Variants in RIMS1 observed in about 807,000 individuals in gnomAD.
RIMS1 encodes regulating synaptic membrane exocytosis 1, also known as regulating synaptic membrane exocytosis protein 1.
RIMS1 carries 83 observed loss-of-function variants against 214.1 expected under a neutral mutation model. The ratio of observed to expected loss-of-function variants is 0.39; its 90% CI spans 0.32 to 0.47. The LOEUF is 0.47. RIMS1 is among the 20% of genes least tolerant of loss of function. RIMS1 has a pLI of 0.99. For missense variants in RIMS1, 2,050 were observed against 2,161.8 expected (o/e 0.95, Z 1.03); for synonymous variants, 793 against 786.8 (o/e 1.01, Z -0.13).
chr6:72,089,148 C>T (rs781009593), intron 2 of RIMS1, among the ~76,000 whole-genome samples: 5 of 152,032 alleles, frequency 3.3e-5, no homozygotes, highest in Admixed American at 2.0e-4. Context: ...GGAAGTCTTA[C>T]GAAAAAGCTA....
intron 6 of RIMS1, among the ~76,000 whole-genome samples, chr6:72,203,150 G>T (rs1323794845): frequency 1.3e-5 from 2 of 151,912 alleles, no homozygotes; most frequent in Non-Finnish European, 2.9e-5. Context: ...ACCACATTTG[G>T]CTAATTTTTT....
At chr6:72,278,801 G>A (rs894681923) in intron 23 of RIMS1, among the ~76,000 whole-genome samples, 8 of 151,972 alleles carry the variant, frequency 5.3e-5, no homozygotes, top group South Asian at 4.1e-4. Flanking sequence ...CACTGCATAG[G>A]AACATCTCTT....
At chr6:72,284,995 CTG>C (rs2091791021) in intron 24 of RIMS1, among the ~76,000 whole-genome samples, 1 of 152,080 alleles carries the variant, frequency 6.6e-6, no homozygotes, top group African/African-American at 2.4e-5. Context: ...TGAGAAAACA[CTG>C]AGATTGGAAA....
At chr6:72,061,699 T>C (rs1361913929) in intron 2 of RIMS1, among the ~76,000 whole-genome samples, 1 of 152,204 alleles carries the variant, frequency 6.6e-6, no homozygotes, top group Non-Finnish European at 1.5e-5. Flanking sequence ...TCTGAGAAAA[T>C]AGCTGACTGT....
rs2039230713 is a variant in RIMS1 at position 72,125,084 on chromosome 6, T to C, written c.471+25098T>C. Among the ~76,000 whole-genome samples the C allele has an allele frequency of 1.3e-5, 2 of 152,194 alleles. 1 individual carries two copies. The highest frequency in any genetic ancestry group is 4.1e-4 in the South Asian group (2 of 4,830). ...ACTCTGGATTTTAGAATTTTTAGCT[T>C]TTCTGCTCTGGTTTCTCCACATCTT... On this transcript the variant is annotated intron_variant, in intron 4 of 33. Coordinates refer to ENST00000521978, the MANE Select transcript of RIMS1 (RefSeq NM_014989.7).
intron 2 of RIMS1, among the ~76,000 whole-genome samples, chr6:72,007,221 AG>A (rs1187717423): frequency 6.6e-6 from 1 of 152,238 alleles, no homozygotes; most frequent in African/African-American, 2.4e-5. Flanking sequence ...CAGGGTCTGG[AG>A]TGGACCTCCA....
chr6:72,143,316 T>A (rs1022972110), intron 4 of RIMS1, among the ~76,000 whole-genome samples: 7 of 152,214 alleles, frequency 4.6e-5, no homozygotes, highest in Non-Finnish European at 1.0e-4. Flanking sequence ...CTATTTCAAT[T>A]TGAGCCATAT....
chr6:72,263,816 C>T (rs1032185924), intron 19 of RIMS1: 2 of 369,060 alleles, frequency 5.4e-6, no homozygotes, highest in African/African-American at 4.4e-5. Flanking sequence ...CACACACACA[C>T]ACACACACAC....
chr6:72,062,144 T>G (rs1417543990), intron 2 of RIMS1, among the ~76,000 whole-genome samples: 1 of 152,196 alleles, frequency 6.6e-6, no homozygotes, highest in Non-Finnish European at 1.5e-5. Context: ...TTATTAGATT[T>G]AGGGGTTTTT....
Position 72,313,586 on chromosome 6 carries a change from C to T in RIMS1, c.4044C>T (p.Ser1348=), listed in dbSNP as rs372890774. 8.2e-5 allele frequency: 133 copies of T among 1,613,560 alleles called. No homozygotes were observed. The highest frequency in any genetic ancestry group is 1.3e-4 in the African/African-American group (10 of 74,886). ...KSSDSDVSDV[S]AISRTSSASR... is the part of the protein sequence containing the mutation. ...CAGATAGTGATGTCAGTGATGTTTCCGCCATTTCCCGAACCAGCAGTGCCT... is the reference window on the plus strand; with the variant it reads ...CAGATAGTGATGTCAGTGATGTTTCTGCCATTTCCCGAACCAGCAGTGCCT... The change falls in exon 28 of 34, where the codon TCC becomes TCT. Residue 1348 remains serine (S), a synonymous_variant. Coordinates refer to ENST00000521978, the MANE Select transcript of RIMS1 (RefSeq NM_014989.7).
intron 2 of RIMS1, among the ~76,000 whole-genome samples, chr6:72,038,882 A>C (rs536381243): frequency 1.3e-5 from 2 of 152,274 alleles, no homozygotes; most frequent in South Asian, 4.1e-4. Context: ...ATTGCCCTGA[A>C]CTGGCTGGGC....
intron 2 of RIMS1, among the ~76,000 whole-genome samples, chr6:72,007,269 T>A (rs1808137907): frequency 6.6e-6 from 1 of 152,200 alleles, no homozygotes; most frequent in Non-Finnish European, 1.5e-5. Context: ...GGGTTCTGAC[T>A]GTTAGAAGGA....
intron 2 of RIMS1, among the ~76,000 whole-genome samples, chr6:72,044,768 ATGGAAAGCTACTT>A (rs546331113): frequency 1.6e-4 from 24 of 152,052 alleles, no homozygotes; most frequent in Middle Eastern, 3.4e-3. Flanking sequence ...GGAACATAAA[ATGGAAAGCTACTT>A]TGGAAAGCAG....
chr6:72,102,537 GTTTGT>G (rs950434505), intron 4 of RIMS1, among the ~76,000 whole-genome samples: 14 of 151,940 alleles, frequency 9.2e-5, no homozygotes, highest in African/African-American at 3.1e-4. Context: ...GTCCATTGAA[GTTTGT>G]TTTAAGACAT....
chr6:71,895,488 A>G (rs1771393408), intron 1 of RIMS1, among the ~76,000 whole-genome samples: 1 of 152,040 alleles, frequency 6.6e-6, no homozygotes, highest in Non-Finnish European at 1.5e-5. Context: ...CAGACTGGCC[A>G]ATATGGCGAA....
chr6:72,133,805 A>G (rs1207366636), intron 4 of RIMS1, among the ~76,000 whole-genome samples: 2 of 152,194 alleles, frequency 1.3e-5, no homozygotes, highest in East Asian at 1.9e-4. Context: ...TACCTAGCAC[A>G]TAATGGAAAT....
intron 19 of RIMS1, chr6:72,264,041 A>G (rs2079300745): frequency 1.2e-6 from 1 of 813,730 alleles, no homozygotes; most frequent in Non-Finnish European, 1.5e-6. Context: ...TTTTTAATTG[A>G]AGTTTTAAGG....
intron 4 of RIMS1, among the ~76,000 whole-genome samples, chr6:72,140,517 G>A (rs2153880969): frequency 6.6e-6 from 1 of 152,094 alleles, no homozygotes; most frequent in East Asian, 1.9e-4. Context: ...GACAGATAAT[G>A]GTTAAATATT....
In RIMS1 at chr6:72,369,927, T is replaced by C. The variant is rs1372530359; in HGVS notation, c.4367-20671T>C. 2.0e-5 allele frequency among the ~76,000 whole-genome samples: 3 copies of C among 152,316 alleles called. No individual in the cohort carries two copies. The East Asian group carries it at 5.8e-4, about 29-fold the overall frequency. On this transcript the variant is annotated intron_variant, in intron 29 of 33. Transcript: ENST00000521978. ...TTATCCACCTGAAGAGTTAAGAAGA[T>C]CTTCAGAGAGTTAAGGAGATCCTCA...
Sources: allele counts gnomAD v4.1 joint callset (sites outside exome capture counted in the v4.1 genomes callset), GRCh38; gene constraint gnomAD v4.1.1; transcripts MANE v1.5; gene names NCBI Gene and HGNC (gene_info 2026-07-23, HGNC 2026-07-21).